The following PRKD1 variants were observed in gnomAD, a reference collection of about 807,000 sequenced individuals.
The protein encoded by PRKD1 is protein kinase D1, also known as serine/threonine-protein kinase D1.
PRKD1 carries 63 observed loss-of-function variants against 95.9 expected under a neutral mutation model. The observed-to-expected ratio is 0.66, with a 90% CI of 0.54 to 0.81. The LOEUF is 0.81. Ranked by LOEUF, PRKD1 falls within the 30% of genes least tolerant of loss-of-function variation. PRKD1 has a pLI of 0.00. For synonymous variants in PRKD1, 425 were observed against 423.1 expected (o/e 1.00, Z -0.05); for missense variants, 1,048 against 1,165.3 (o/e 0.90, Z 1.47).
intron 1 of PRKD1, among the ~76,000 whole-genome samples, chr14:29,802,255 GA>G (rs1890065632): frequency 6.6e-6 from 1 of 152,018 alleles, no homozygotes. Flanking sequence ...AAGAAATTTA[GA>G]CCTGATAGTA....
At chr14:29,818,532 A>G (rs1337206638) in intron 1 of PRKD1, among the ~76,000 whole-genome samples, 18 of 151,944 alleles carry the variant, frequency 1.2e-4, no homozygotes, top group Admixed American at 1.2e-3. Flanking sequence ...CTTAATATCA[A>G]TTAATTGGTC....
chr14:29,708,949 T>A (rs772548969), intron 2 of PRKD1, among the ~76,000 whole-genome samples: 19 of 152,166 alleles, frequency 1.2e-4, no homozygotes, highest in Non-Finnish European at 2.6e-4. Context: ...ATATTTATTA[T>A]AAGATATATT....
intron 1 of PRKD1, among the ~76,000 whole-genome samples, chr14:29,819,370 C>G (rs1377859415): frequency 6.6e-6 from 1 of 152,092 alleles, no homozygotes; most frequent in African/African-American, 2.4e-5. Context: ...AAGTCTGAGA[C>G]AGAAAGAGAG....
At chr14:29,877,219 G>C (rs1893333005) in intron 1 of PRKD1, among the ~76,000 whole-genome samples, 1 of 152,196 alleles carries the variant, frequency 6.6e-6, no homozygotes, top group South Asian at 2.1e-4. Context: ...TGACAAGAAT[G>C]TGGAGAAACT....
intron 1 of PRKD1, among the ~76,000 whole-genome samples, chr14:29,891,736 T>C (rs528971959): frequency 3.3e-5 from 5 of 152,218 alleles, no homozygotes; most frequent in African/African-American, 1.2e-4. Flanking sequence ...ACAATGCACG[T>C]ATTATTCCTC....
At chr14:29,718,478 T>C (rs937687746) in intron 2 of PRKD1, among the ~76,000 whole-genome samples, 6 of 152,252 alleles carry the variant, frequency 3.9e-5, no homozygotes, top group African/African-American at 9.6e-5. Flanking sequence ...AGTATCTTTA[T>C]AGCAGTGTGA....
chr14:29,750,055 C>G (rs2139457835), intron 1 of PRKD1, among the ~76,000 whole-genome samples: 1 of 152,234 alleles, frequency 6.6e-6, no homozygotes, highest in African/African-American at 2.4e-5. Context: ...GAACAAGGGT[C>G]ACTGCAACAC....
chr14:29,860,228 C>G (rs898582011), intron 1 of PRKD1, among the ~76,000 whole-genome samples: 21 of 152,222 alleles, frequency 1.4e-4, no homozygotes, highest in African/African-American at 4.8e-4. Flanking sequence ...AAACAGGCAC[C>G]TTGTTTTTTT....
At chr14:29,613,437 C>T (rs1878622608) in intron 13 of PRKD1, among the ~76,000 whole-genome samples, 1 of 150,768 alleles carries the variant, frequency 6.6e-6, no homozygotes, top group African/African-American at 2.4e-5. Flanking sequence ...GTCTTTTAAA[C>T]AAAAAAAAAT....
chr14:29,812,609 A>G (rs1226423700), intron 1 of PRKD1, among the ~76,000 whole-genome samples: 1 of 152,202 alleles, frequency 6.6e-6, no homozygotes, highest in East Asian at 1.9e-4. Context: ...AGGAGGCAGG[A>G]GAAGAAGTGA....
intron 2 of PRKD1, among the ~76,000 whole-genome samples, chr14:29,704,791 AT>A (rs1165668647): frequency 6.6e-6 from 1 of 151,858 alleles, no homozygotes; most frequent in Non-Finnish European, 1.5e-5. Flanking sequence ...TTTTTTTCTC[AT>A]TTTTTTGTGT....
At chr14:29,722,918 G>T (rs1885967123) in intron 2 of PRKD1, among the ~76,000 whole-genome samples, 1 of 152,150 alleles carries the variant, frequency 6.6e-6, no homozygotes, top group African/African-American at 2.4e-5. Context: ...ATGGTAGGGA[G>T]TTAGTGATTA....
intron 1 of PRKD1, among the ~76,000 whole-genome samples, chr14:29,760,519 C>T (rs1227330541): frequency 6.6e-6 from 1 of 151,942 alleles, no homozygotes; most frequent in South Asian, 2.1e-4. Flanking sequence ...CCACCCTCGG[C>T]TAATTTTGCA....
At chr14:29,841,566 C>A (rs2139317431) in intron 1 of PRKD1, among the ~76,000 whole-genome samples, 1 of 152,290 alleles carries the variant, frequency 6.6e-6, no homozygotes, top group East Asian at 1.9e-4. Context: ...TCTTTGCCCG[C>A]TGCCATCCAT....
At chr14:29,630,611 C>T in intron 10 of PRKD1, 131 bp downstream of exon 10, 2 of 1,185,904 alleles carry the variant, frequency 1.7e-6, no homozygotes, top group Non-Finnish European at 2.4e-6. Context: ...ACCCTACATT[C>T]TACAATAAAC....
intron 4 of PRKD1, among the ~76,000 whole-genome samples, chr14:29,653,988 C>T (rs1311841032): frequency 6.6e-6 from 1 of 151,948 alleles, no homozygotes; most frequent in Non-Finnish European, 1.5e-5. Flanking sequence ...ATATTGACAA[C>T]ACCTGTTGTT....
intron 1 of PRKD1, among the ~76,000 whole-genome samples, chr14:29,920,983 G>A (rs1234062648): frequency 6.6e-6 from 1 of 152,136 alleles, no homozygotes; most frequent in African/African-American, 2.4e-5. Flanking sequence ...TGTATCAAGC[G>A]ATGATCTGCA....
At chr14:29,822,726 G>T (rs1266933131) in intron 1 of PRKD1, among the ~76,000 whole-genome samples, 1 of 151,882 alleles carries the variant, frequency 6.6e-6, no homozygotes, top group East Asian at 1.9e-4. Flanking sequence ...CCTGGGTTTT[G>T]TTCATGCATA....
chr14:29,778,452 G>A (rs1372080514), intron 1 of PRKD1, among the ~76,000 whole-genome samples: 2 of 151,936 alleles, frequency 1.3e-5, no homozygotes, highest in Non-Finnish European at 2.9e-5. Flanking sequence ...ATGATAACAG[G>A]GTTATCACCA....
Sources: gnomAD v4.1 joint callset for allele counts (sites outside exome capture counted in the v4.1 genomes callset) on GRCh38, gnomAD v4.1.1 for gene constraint, MANE v1.5 for transcripts, NCBI Gene and HGNC (gene_info 2026-07-23, HGNC 2026-07-21) for gene names.